C12orf42: variants seen among roughly 807,000 people sequenced by gnomAD.
C12orf42 encodes chromosome 12 open reading frame 42.
A neutral mutation model predicts 21.6 loss-of-function variants in C12orf42; 25 were observed. The observed-to-expected ratio is 1.16, with a 90% CI of 0.84 to 1.62. The LOEUF (loss-of-function observed/expected upper bound fraction) is 1.62. C12orf42 is among the 40% of genes most tolerant of loss of function. C12orf42 has a pLI of 0.00. For synonymous variants in C12orf42, 174 were observed against 175.0 expected (o/e 0.99, Z 0.05); for missense variants, 483 against 459.3 (o/e 1.05, Z -0.47).
chr12:103,173,676 C>T, the C12orf42 span, among the ~76,000 whole-genome samples: 1 of 151,918 alleles, frequency 6.6e-6, no homozygotes, highest in African/African-American at 2.4e-5. Context: ...AACAAATGCA[C>T]CCTTCCCTCT....
chr12:103,213,444 C>G, the C12orf42 span, among the ~76,000 whole-genome samples: 1 of 152,196 alleles, frequency 6.6e-6, no homozygotes, highest in Admixed American at 6.5e-5. Context: ...TAGCTAGACT[C>G]TAGAAGGGCT....
rs929286717 is a variant in C12orf42 at position 103,256,205 on chromosome 12, T to A, written c.*1366+7121A>T. ...ACATATATATACACATATATATATA[T>A]AACTAAACTTATTGTAGTAGTTGTA... On this transcript the variant is annotated intron_variant and NMD_transcript_variant, in intron 10 of 10. Transcript: ENST00000547347. Among the ~76,000 whole-genome samples the A allele has an allele frequency of 1.9e-4, 28 of 145,376 alleles. 1 individual carries two copies. Among genetic ancestry groups the A allele is most frequent in the Admixed American group, 2.8e-4 (4 of 14,314 alleles).
the C12orf42 span, among the ~76,000 whole-genome samples, chr12:103,135,250 T>C: frequency 1.3e-5 from 2 of 150,966 alleles, no homozygotes; most frequent in East Asian, 1.9e-4. Flanking sequence ...AGCTCAGGAG[T>C]TTGAGACCAG....
the C12orf42 span, among the ~76,000 whole-genome samples, chr12:103,209,728 T>G: frequency 7.4e-3 from 1,120 of 152,298 alleles, 4 homozygotes; most frequent in African/African-American, 0.014. Context: ...AGCTTTTCCC[T>G]TGATGATCCC....
At chr12:103,195,433 TC>T in the C12orf42 span, among the ~76,000 whole-genome samples, 1 of 152,142 alleles carries the variant, frequency 6.6e-6, no homozygotes, top group Admixed American at 6.6e-5. Flanking sequence ...CATCCTCTTT[TC>T]TCCACAACCT....
At chr12:103,493,126 A>G (rs769409135) in intron 1 of C12orf42, among the ~76,000 whole-genome samples, 3 of 152,178 alleles carry the variant, frequency 2.0e-5, no homozygotes, top group Non-Finnish European at 4.4e-5. Context: ...CATATTCTAC[A>G]AAGCAGAGGT....
At chr12:103,049,525 G>A in the C12orf42 span, among the ~76,000 whole-genome samples, 103 of 152,190 alleles carry the variant, frequency 6.8e-4, no homozygotes, top group Middle Eastern at 3.4e-3. Flanking sequence ...TCTCATCACA[G>A]CAATCAGCGT....
the C12orf42 span, among the ~76,000 whole-genome samples, chr12:103,203,344 C>G: frequency 1.3e-5 from 2 of 152,064 alleles, no homozygotes; most frequent in Non-Finnish European, 2.9e-5. Context: ...TTTATTTTTT[C>G]AATTTTGATC....
In C12orf42 at chr12:103,401,650, A is replaced by C. The variant is rs780921415; in HGVS notation, c.104T>G (p.Val35Gly). ...TCTATCCCACAGGGTGGCACTGCTC[A>C]CAATGGGAATATAGCAAGGGGATTT... ...MQKSPCYIPIVSSATLWDRST... is the reference protein window; with the variant it reads ...MQKSPCYIPIGSSATLWDRST... Residue 35 changes from valine (V) to glycine (G), a missense_variant, in exon 3 of 6, where the codon GTG becomes GGG. Coordinates refer to ENST00000548883, the MANE Select transcript of C12orf42 (RefSeq NM_198521.5). 1 of 1,613,944 alleles carries C rather than the reference A, an allele frequency of 6.2e-7. No individual in the cohort carries two copies. Among genetic ancestry groups the C allele is most frequent in the Non-Finnish European group, 8.5e-7 (1 of 1,179,820 alleles).
At chr12:103,426,478 C>A (rs948945931) in intron 2 of C12orf42, among the ~76,000 whole-genome samples, 15 of 152,176 alleles carry the variant, frequency 9.9e-5, no homozygotes, top group South Asian at 8.3e-4. Context: ...ACCAAACCTA[C>A]GTTTGACTGG....
intron 3 of C12orf42, among the ~76,000 whole-genome samples, chr12:103,392,986 A>T (rs974012654): frequency 3.3e-5 from 5 of 152,114 alleles, no homozygotes; most frequent in African/African-American, 7.2e-5. Flanking sequence ...GTCCCTTGGG[A>T]CACTGTTCCT....
chr12:103,544,060 AT>A, the C12orf42 span, among the ~76,000 whole-genome samples: 47 of 151,744 alleles, frequency 3.1e-4, no homozygotes, highest in Middle Eastern at 3.4e-3. Context: ...CGCCCAGCTA[AT>A]TTTGTTTTTA....
At chr12:103,100,244 G>A in the C12orf42 span, among the ~76,000 whole-genome samples, 4 of 152,186 alleles carry the variant, frequency 2.6e-5, no homozygotes, top group Non-Finnish European at 4.4e-5. Flanking sequence ...CCGCAGAATC[G>A]GTGAGCTGAT....
chr12:103,116,038 T>G, the C12orf42 span, among the ~76,000 whole-genome samples: 1 of 152,160 alleles, frequency 6.6e-6, no homozygotes, highest in Non-Finnish European at 1.5e-5. Flanking sequence ...AATGGGGAGC[T>G]GATCAACGTG....
At chr12:103,237,637 T>C (rs2033513541) in exon 11 of C12orf42, 1 of 152,196 alleles carries the variant, frequency 6.6e-6, no homozygotes, top group Non-Finnish European at 1.5e-5. Context: ...AATTTGGCAA[T>C]TTAGACTGCA....
chr12:103,228,056 G>A, the C12orf42 span, among the ~76,000 whole-genome samples: 1 of 152,132 alleles, frequency 6.6e-6, no homozygotes, highest in Non-Finnish European at 1.5e-5. Flanking sequence ...CGAGTACAGG[G>A]GATTGATCTC....
At chr12:103,523,408 T>G in the C12orf42 span, among the ~76,000 whole-genome samples, 2 of 152,006 alleles carry the variant, frequency 1.3e-5, no homozygotes, top group African/African-American at 4.8e-5. Flanking sequence ...AATAGTATCC[T>G]CGTTTAAAGG....
chr12:103,371,424 A>G (rs1263285731), intron 3 of C12orf42, among the ~76,000 whole-genome samples: 1 of 152,188 alleles, frequency 6.6e-6, no homozygotes, highest in African/African-American at 2.4e-5. Context: ...GTCATGGAGC[A>G]TGGGAGATTA....
At chr12:103,337,880 C>A (rs142856980) in intron 4 of C12orf42, among the ~76,000 whole-genome samples, 6 of 152,204 alleles carry the variant, frequency 3.9e-5, no homozygotes, top group African/African-American at 1.4e-4. Flanking sequence ...TTTCTGTGCT[C>A]TTTTATTTGC....
Sources: gnomAD v4.1 joint callset for allele counts (sites outside exome capture counted in the v4.1 genomes callset) on GRCh38, gnomAD v4.1.1 for gene constraint, MANE v1.5 for transcripts, NCBI Gene and HGNC (gene_info 2026-07-23, HGNC 2026-07-21) for gene names.